PHACTR1: variants seen among roughly 807,000 people sequenced by gnomAD.
PHACTR1 encodes RPEL repeat containing 1.
A neutral mutation model predicts 69.2 loss-of-function variants in PHACTR1; 16 were observed. The observed-to-expected ratio is 0.23, with a 90% CI of 0.16 to 0.35. The LOEUF is 0.35. PHACTR1 is among the 10% of genes least tolerant of loss of function. PHACTR1 has a pLI of 1.00. For missense variants in PHACTR1, 510 were observed against 734.7 expected (o/e 0.69, Z 3.54); for synonymous variants, 312 against 284.5 (o/e 1.10, Z -0.97).
At chr6:13,140,200 G>T (rs1480307904) in intron 5 of PHACTR1, among the ~76,000 whole-genome samples, 2 of 110,096 alleles carry the variant, frequency 1.8e-5, no homozygotes, top group African/African-American at 6.3e-5. Context: ...TCAAAATGGT[G>T]CAGCTGCTCT....
chr6:12,717,456 T>A (rs1005771201), intron 1 of PHACTR1, 53 bp from the exon 2 acceptor site: 4 of 152,118 alleles, frequency 2.6e-5, no homozygotes, highest in African/African-American at 7.2e-5. Context: ...GTGGATTTGA[T>A]GATTTTCTGC....
intron 5 of PHACTR1, among the ~76,000 whole-genome samples, chr6:13,118,619 C>T (rs962744482): frequency 4.6e-5 from 7 of 151,960 alleles, no homozygotes; most frequent in African/African-American, 1.7e-4. Context: ...GCTGAGACTA[C>T]AGGTGCGCAC....
intron 4 of PHACTR1, among the ~76,000 whole-genome samples, chr6:12,842,212 A>G (rs1259917661): frequency 6.6e-6 from 1 of 152,248 alleles, no homozygotes; most frequent in Non-Finnish European, 1.5e-5. Context: ...AAACATCCCA[A>G]TGAGTAATTT....
At chr6:12,858,173 A>G (rs549682641) in intron 4 of PHACTR1, among the ~76,000 whole-genome samples, 2 of 152,226 alleles carry the variant, frequency 1.3e-5, no homozygotes, top group South Asian at 4.2e-4. Flanking sequence ...CCTTTAAGGG[A>G]CCTCACGAGG....
At chr6:12,852,789 C>CA (rs908422513) in intron 4 of PHACTR1, among the ~76,000 whole-genome samples, 3 of 151,988 alleles carry the variant, frequency 2.0e-5, no homozygotes, top group Admixed American at 6.5e-5. Context: ...CTGATGTTAC[C>CA]AAAAAATCAT....
chr6:12,840,257 C>G (rs1391918878), intron 4 of PHACTR1, among the ~76,000 whole-genome samples: 1 of 152,146 alleles, frequency 6.6e-6, no homozygotes, highest in Non-Finnish European at 1.5e-5. Flanking sequence ...GTATTTTATA[C>G]TTTTTTGATG....
intron 4 of PHACTR1, among the ~76,000 whole-genome samples, chr6:12,795,224 AAGAG>A (rs59476456): frequency 0.081 from 12,297 of 152,170 alleles, 704 homozygotes; most frequent in Non-Finnish European, 0.12. Flanking sequence ...CTAGAGAGAG[AAGAG>A]AGAAATTCTA....
chr6:12,959,176 C>CAAAAAAAAAAAAAAAA (rs70989814), intron 4 of PHACTR1, among the ~76,000 whole-genome samples: 27 of 45,956 alleles, frequency 5.9e-4, no homozygotes, highest in Admixed American at 8.2e-4. Context: ...GACTTTATCT[C>CAAAAAAAAAAAAAAAA]AAAAAAAAAA....
intron 4 of PHACTR1, among the ~76,000 whole-genome samples, chr6:12,879,005 TG>T (rs1399692433): frequency 6.6e-6 from 1 of 152,150 alleles, no homozygotes; most frequent in Non-Finnish European, 1.5e-5. Context: ...CGTGGAGCAC[TG>T]GGGGTTGTTA....
chr6:13,121,976 T>C (rs1202234347), intron 5 of PHACTR1, among the ~76,000 whole-genome samples: 3 of 152,184 alleles, frequency 2.0e-5, no homozygotes, highest in Non-Finnish European at 4.4e-5. Context: ...TAAGTATGTA[T>C]GTGAAAATAT....
intron 4 of PHACTR1, among the ~76,000 whole-genome samples, chr6:12,904,385 A>T (rs1230094247): frequency 8.6e-5 from 13 of 152,016 alleles, no homozygotes; most frequent in South Asian, 2.1e-4. Context: ...TACAAAAAAA[A>T]TAGCCAGGCG....
chr6:12,932,496 TTATAA>T (rs1788976068), intron 4 of PHACTR1, among the ~76,000 whole-genome samples: 1 of 152,224 alleles, frequency 6.6e-6, no homozygotes, highest in African/African-American at 2.4e-5. Flanking sequence ...CTCCTTCTAT[TTATAA>T]TATAAGTCTA....
At chr6:12,782,037 C>T (rs1770899994) in intron 4 of PHACTR1, among the ~76,000 whole-genome samples, 1 of 152,306 alleles carries the variant, frequency 6.6e-6, no homozygotes, top group South Asian at 2.1e-4. Context: ...GCTCTGGCCT[C>T]TGCTCTGTGC....
chr6:12,929,170 C>T (rs1417250846), intron 4 of PHACTR1, among the ~76,000 whole-genome samples: 3 of 152,270 alleles, frequency 2.0e-5, no homozygotes, highest in East Asian at 3.9e-4. Flanking sequence ...GGAGGGACCC[C>T]TTGCCTAAAG....
At chr6:13,180,017 T>A (rs908904499) in intron 6 of PHACTR1, among the ~76,000 whole-genome samples, 3 of 152,182 alleles carry the variant, frequency 2.0e-5, no homozygotes, top group African/African-American at 7.2e-5. Flanking sequence ...ATAGCATAAG[T>A]CTATCCCTTT....
intron 8 of PHACTR1, among the ~76,000 whole-genome samples, chr6:13,221,653 T>C (rs186761285): frequency 3.3e-5 from 5 of 152,354 alleles, no homozygotes; most frequent in Admixed American, 2.0e-4. Flanking sequence ...TCTCTTAGGA[T>C]CCTTGTGAGG....
intron 4 of PHACTR1, among the ~76,000 whole-genome samples, chr6:12,930,644 A>G (rs1788766225): frequency 1.3e-5 from 2 of 152,176 alleles, no homozygotes; most frequent in South Asian, 4.1e-4. Context: ...ACATCAACTC[A>G]AGGCCAGTTG....
chr6:13,200,434 C>A (rs1765056926), intron 7 of PHACTR1, among the ~76,000 whole-genome samples: 1 of 152,078 alleles, frequency 6.6e-6, no homozygotes, highest in Admixed American at 6.5e-5. Context: ...GCACGTGCCA[C>A]CACACCCGGC....
intron 3 of PHACTR1, among the ~76,000 whole-genome samples, chr6:12,739,650 C>T (rs576324972): frequency 2.6e-5 from 4 of 152,194 alleles, no homozygotes; most frequent in Non-Finnish European, 4.4e-5. Context: ...GCGATCCTCC[C>T]GTCTCAGCCT....
Sources: allele counts gnomAD v4.1 joint callset (sites outside exome capture counted in the v4.1 genomes callset), GRCh38; gene constraint gnomAD v4.1.1; transcripts MANE v1.5; gene names NCBI Gene and HGNC (gene_info 2026-07-23, HGNC 2026-07-21).